Variants in PUM1 observed in about 807,000 individuals in gnomAD.
The protein encoded by PUM1 is pumilio RNA binding family member 1.
Under a neutral mutation model 131.8 loss-of-function variants are expected in PUM1, and 13 were observed. The observed-to-expected ratio is 0.10, with a 90% CI of 0.06 to 0.16. PUM1 has a LOEUF of 0.16. Ranked by LOEUF, PUM1 falls within the 10% of genes least tolerant of loss-of-function variation. The pLI, the probability that PUM1 is intolerant of heterozygous loss-of-function variation, is 1.00. For missense variants in PUM1, 961 were observed against 1,512.4 expected (o/e 0.64, Z 6.05); for synonymous variants, 509 against 556.5 (o/e 0.91, Z 1.20).
At chr1:31,061,484 C>T (rs2124021785) in intron 1 of PUM1, among the ~76,000 whole-genome samples, 1 of 152,066 alleles carries the variant, frequency 6.6e-6, no homozygotes, top group South Asian at 2.1e-4. Context: ...GGCTTGGTGG[C>T]ACGCGCCTGT....
At chr1:30,961,022 C>T (rs1001640652) in intron 14 of PUM1, among the ~76,000 whole-genome samples, 8 of 150,836 alleles carry the variant, frequency 5.3e-5, no homozygotes, top group African/African-American at 1.9e-4. Flanking sequence ...TGGTAAAACA[C>T]CATCTCTACT....
chr1:30,973,570 T>C (rs1641016429), intron 10 of PUM1, among the ~76,000 whole-genome samples: 3 of 152,220 alleles, frequency 2.0e-5, no homozygotes, highest in Non-Finnish European at 4.4e-5. Context: ...TTGGTGGATT[T>C]AAATGTACCT....
intron 5 of PUM1, 28 bp downstream of exon 5, chr1:31,005,825 T>C (rs759421153): frequency 3.4e-6 from 5 of 1,478,952 alleles, no homozygotes; most frequent in East Asian, 4.8e-5. Context: ...GAGAGAGAGA[T>C]AGGAACAAGT....
chr1:31,003,134 G>C (rs1642273992), intron 5 of PUM1, among the ~76,000 whole-genome samples: 2 of 152,106 alleles, frequency 1.3e-5, no homozygotes, highest in South Asian at 4.1e-4. Context: ...AGGCTTACTG[G>C]AATTAATGTT....
chr1:30,986,654 A>G (rs1001762693), intron 7 of PUM1, among the ~76,000 whole-genome samples: 13 of 152,194 alleles, frequency 8.5e-5, no homozygotes, highest in Non-Finnish European at 1.8e-4. Flanking sequence ...GAAGAACAAA[A>G]CACATCCCTT....
At chr1:30,934,309 G>A (rs1639106103) in intron 21 of PUM1, among the ~76,000 whole-genome samples, 1 of 152,176 alleles carries the variant, frequency 6.6e-6, no homozygotes, top group African/African-American at 2.4e-5. Flanking sequence ...AAGGACCACA[G>A]TTTATTCATC....
intron 18 of PUM1, among the ~76,000 whole-genome samples, chr1:30,943,413 G>T (rs1241598836): frequency 6.6e-6 from 1 of 151,972 alleles, no homozygotes; most frequent in African/African-American, 2.4e-5. Flanking sequence ...CAGGCACCCG[G>T]CTAATTTTTT....
chr1:30,982,828 TG>T (rs1641403393), intron 7 of PUM1, among the ~76,000 whole-genome samples: 1 of 152,204 alleles, frequency 6.6e-6, no homozygotes, highest in East Asian at 1.9e-4. Flanking sequence ...TTGAAGATAT[TG>T]GCCAATTTCA....
chr1:30,972,258 GAAAA>G (rs1640902604), intron 10 of PUM1, among the ~76,000 whole-genome samples: 1 of 34,078 alleles, frequency 2.9e-5, no homozygotes. Flanking sequence ...ATGTCAGAAA[GAAAA>G]GAAAAGAAGG....
intron 10 of PUM1, among the ~76,000 whole-genome samples, chr1:30,974,037 G>A (rs556663559): frequency 6.6e-6 from 1 of 151,342 alleles, no homozygotes; most frequent in South Asian, 2.1e-4. Flanking sequence ...GCAGTGAGCT[G>A]AGATTGCACC....
At chr1:31,046,498 T>G (rs1047519600) in intron 2 of PUM1, among the ~76,000 whole-genome samples, 2 of 129,134 alleles carry the variant, frequency 1.5e-5, no homozygotes, top group African/African-American at 3.4e-5. Flanking sequence ...GGTTTTTTTT[T>G]TTTGTTTTTT....
At chr1:31,006,309 G>A (rs1229408503) in intron 4 of PUM1, among the ~76,000 whole-genome samples, 1 of 152,092 alleles carries the variant, frequency 6.6e-6, no homozygotes. Context: ...ATAAGTAAAA[G>A]GATTTCTTTT....
chr1:30,955,390 C>G (rs1433432802), intron 14 of PUM1, among the ~76,000 whole-genome samples: 1 of 147,882 alleles, frequency 6.8e-6, no homozygotes, highest in Non-Finnish European at 1.5e-5. Flanking sequence ...TGGCGAACCC[C>G]GGAGGCAGGG....
intron 19 of PUM1, among the ~76,000 whole-genome samples, chr1:30,941,545 CAT>C (rs2124388885): frequency 6.6e-6 from 1 of 152,192 alleles, no homozygotes; most frequent in African/African-American, 2.4e-5. Context: ...TTCTCAAACA[CAT>C]ATACAAATGG....
chr1:31,041,699 T>G (rs962699096), intron 2 of PUM1, among the ~76,000 whole-genome samples: 1 of 152,200 alleles, frequency 6.6e-6, no homozygotes, highest in African/African-American at 2.4e-5. Context: ...GTGCTCCCAC[T>G]GTGCCTTCTG....
chr1:31,047,530 A>T (rs1239610685), intron 2 of PUM1, among the ~76,000 whole-genome samples: 1 of 152,254 alleles, frequency 6.6e-6, no homozygotes, highest in Non-Finnish European at 1.5e-5. Context: ...CTAATTTTGT[A>T]CTCAGGCTTA....
chr1:30,982,838 C>G (rs1289352988), intron 7 of PUM1, among the ~76,000 whole-genome samples: 1 of 152,204 alleles, frequency 6.6e-6, no homozygotes, highest in Non-Finnish European at 1.5e-5. Context: ...TGGCCAATTT[C>G]ACCTGTTAAC....
At chr1:30,993,520 C>T (rs1641874527) in intron 6 of PUM1, among the ~76,000 whole-genome samples, 1 of 151,896 alleles carries the variant, frequency 6.6e-6, no homozygotes, top group Admixed American at 6.6e-5. Flanking sequence ...ACATTCAATG[C>T]CCTTCTTCTC....
In PUM1 at chr1:30,959,748, AT is replaced by A. The variant is rs200134357; in HGVS notation, c.2323+4925del. Among the ~76,000 whole-genome samples, 448 of 152,168 alleles carry A rather than the reference AT, an allele frequency of 2.9e-3. 4 individuals are homozygous for A. Among genetic ancestry groups the A allele is most frequent in the African/African-American group, 0.01 (427 of 41,496 alleles). On this transcript the variant is annotated intron_variant, in intron 14 of 21. Coordinates refer to ENST00000426105, the MANE Select transcript of PUM1 (RefSeq NM_001020658.2). Reference sequence around the variant, plus strand: ...CTGTGAAACCCCATCTCTACAAAAAATACAAAAAATTAGCCGGGCGTGGTGG... The same window carrying A: ...CTGTGAAACCCCATCTCTACAAAAAAACAAAAAATTAGCCGGGCGTGGTGG...
Sources: allele counts gnomAD v4.1 joint callset (sites outside exome capture counted in the v4.1 genomes callset), GRCh38; gene constraint gnomAD v4.1.1; transcripts MANE v1.5; gene names NCBI Gene and HGNC (gene_info 2026-07-23, HGNC 2026-07-21).